Variants in RABGAP1L observed in about 807,000 individuals in gnomAD.
RABGAP1L encodes the protein rab GTPase-activating protein 1-like.
RABGAP1L carries 63 observed loss-of-function variants against 137.7 expected under a neutral mutation model. The ratio of observed to expected loss-of-function variants is 0.46; its 90% CI spans 0.37 to 0.56. The LOEUF (loss-of-function observed/expected upper bound fraction) is 0.56, where lower values mean the gene tolerates loss of function less well. RABGAP1L is among the 20% of genes least tolerant of loss of function. RABGAP1L has a pLI of 0.00. For missense variants in RABGAP1L, 1,095 were observed against 1,244.0 expected, an observed-to-expected ratio of 0.88 and a Z score of 1.80; for synonymous variants, 431 against 433.7, an observed-to-expected ratio of 0.99 and a Z score of 0.08.
At chr1:174,765,687 A>C (rs1685610028) in intron 18 of RABGAP1L, among the ~76,000 whole-genome samples, 2 of 151,772 alleles carry the variant, frequency 1.3e-5, no homozygotes, top group Non-Finnish European at 1.5e-5. Context: ...ATTGCCTCCC[A>C]TTCTGTGGAC....
chr1:174,345,094 A>G (rs984914895), intron 11 of RABGAP1L, among the ~76,000 whole-genome samples: 8 of 152,100 alleles, frequency 5.3e-5, no homozygotes, highest in Non-Finnish European at 1.0e-4. Flanking sequence ...AGAGTTCACT[A>G]TAGACATATG....
chr1:174,892,723 G>GTTTCC (rs1558198469), intron 19 of RABGAP1L: 52 of 407,968 alleles, frequency 1.3e-4, no homozygotes, highest in African/African-American at 1.0e-3. Flanking sequence ...TCATTTCTTT[G>GTTTCC]TTTTCTTTCT....
chr1:174,596,882 C>T (rs549531816), intron 13 of RABGAP1L, among the ~76,000 whole-genome samples: 1 of 152,102 alleles, frequency 6.6e-6, no homozygotes, highest in Admixed American at 6.6e-5. Context: ...AAGTATGTTT[C>T]TTCTCTATCC....
chr1:174,490,882 T>C (rs1660156870), intron 13 of RABGAP1L, among the ~76,000 whole-genome samples: 1 of 152,042 alleles, frequency 6.6e-6, no homozygotes, highest in Non-Finnish European at 1.5e-5. Context: ...CTGCCAGGCT[T>C]CCACCAATGT....
At chr1:174,325,817 A>G (rs1013253068) in intron 11 of RABGAP1L, among the ~76,000 whole-genome samples, 2 of 152,150 alleles carry the variant, frequency 1.3e-5, no homozygotes, top group Non-Finnish European at 2.9e-5. Flanking sequence ...GGCTCATGAT[A>G]CCTGCCATAG....
In RABGAP1L at chr1:174,727,605, C is replaced by T. The variant is rs556583759; in HGVS notation, c.2170-24708C>T. ...GAAAGAAAGAACAAGTTCTGGTATTCTATTGCATGGTAGGGTGACTATAGT... is the reference window on the plus strand; with the variant it reads ...GAAAGAAAGAACAAGTTCTGGTATTTTATTGCATGGTAGGGTGACTATAGT... On this transcript the variant is annotated intron_variant, in intron 17 of 25. Transcript: ENST00000681986. Among the ~76,000 whole-genome samples the T allele has an allele frequency of 2.5e-4, 38 of 152,276 alleles. No individual in the cohort carries two copies. The South Asian group carries it at 7.7e-3, about 31-fold the overall frequency.
intron 1 of RABGAP1L, among the ~76,000 whole-genome samples, chr1:174,184,044 T>C (rs1043877636): frequency 1.1e-4 from 16 of 151,846 alleles, no homozygotes; most frequent in Non-Finnish European, 2.2e-4. Flanking sequence ...TTTTTGTTTT[T>C]TTTTAGTAGA....
intron 21 of RABGAP1L, among the ~76,000 whole-genome samples, chr1:174,969,756 C>T (rs983214522): frequency 6.6e-6 from 1 of 152,078 alleles, no homozygotes; most frequent in African/African-American, 2.4e-5. Flanking sequence ...AATTATTCTC[C>T]ATAATAAATG....
intron 1 of RABGAP1L, among the ~76,000 whole-genome samples, chr1:174,206,336 T>G (rs775051481): frequency 3.3e-5 from 5 of 152,186 alleles, no homozygotes; most frequent in Admixed American, 2.0e-4. Context: ...ATTGGTTTGG[T>G]TCTTGCTTGG....
intron 13 of RABGAP1L, among the ~76,000 whole-genome samples, chr1:174,394,817 G>T (rs1276452990): frequency 6.6e-6 from 1 of 151,868 alleles, no homozygotes; most frequent in Non-Finnish European, 1.5e-5. Context: ...TCAAGACTTT[G>T]TTCCTCAGAC....
At chr1:174,331,724 C>A (rs373527290) in intron 11 of RABGAP1L, among the ~76,000 whole-genome samples, 2 of 152,008 alleles carry the variant, frequency 1.3e-5, no homozygotes, top group African/African-American at 4.8e-5. Context: ...ACGTGCACAA[C>A]GTGCAGGTTT....
intron 19 of RABGAP1L, among the ~76,000 whole-genome samples, chr1:174,819,968 A>C (rs747992815): frequency 1.3e-5 from 2 of 152,156 alleles, no homozygotes; most frequent in African/African-American, 2.4e-5. Context: ...GAAATTGAGG[A>C]TATTTCATTT....
intron 13 of RABGAP1L, among the ~76,000 whole-genome samples, chr1:174,608,054 G>A (rs1189259854): frequency 6.6e-6 from 1 of 152,148 alleles, no homozygotes; most frequent in Non-Finnish European, 1.5e-5. Context: ...CCTTACAATG[G>A]ATTTTATAAA....
intron 13 of RABGAP1L, among the ~76,000 whole-genome samples, chr1:174,613,823 G>T (rs1187087322): frequency 1.3e-5 from 2 of 152,130 alleles, no homozygotes; most frequent in African/African-American, 4.8e-5. Context: ...GGCCTTCTTT[G>T]TCTCTTTTGA....
chr1:174,377,918 A>C (rs1377647408), intron 12 of RABGAP1L, among the ~76,000 whole-genome samples: 1 of 94,730 alleles, frequency 1.1e-5, no homozygotes, highest in Non-Finnish European at 1.9e-5. Context: ...TATATCTCCC[A>C]ATGCTATCCC....
At chr1:174,785,745 T>G (rs1687404279) in intron 18 of RABGAP1L, among the ~76,000 whole-genome samples, 1 of 152,192 alleles carries the variant, frequency 6.6e-6, no homozygotes, top group Non-Finnish European at 1.5e-5. Flanking sequence ...CCACGCTGCT[T>G]CTCCACCGTT....
intron 10 of RABGAP1L, among the ~76,000 whole-genome samples, chr1:174,282,535 A>C (rs182588060): frequency 4.3e-4 from 66 of 152,282 alleles, no homozygotes; most frequent in African/African-American, 1.5e-3. Flanking sequence ...TGTCAGATAC[A>C]CATATTTCAA....
chr1:174,302,635 C>T (rs1677828705), intron 10 of RABGAP1L, among the ~76,000 whole-genome samples: 2 of 152,158 alleles, frequency 1.3e-5, no homozygotes, highest in Non-Finnish European at 2.9e-5. Context: ...GGCTTCAGGT[C>T]AGGACAGGAG....
intron 17 of RABGAP1L, among the ~76,000 whole-genome samples, chr1:174,714,272 A>C (rs1394110161): frequency 1.3e-5 from 2 of 152,098 alleles, no homozygotes; most frequent in African/African-American, 4.8e-5. Context: ...CTGATCACCC[A>C]TTCTTAAATG....
Sources: gnomAD v4.1 joint callset for allele counts (sites outside exome capture counted in the v4.1 genomes callset) on GRCh38, gnomAD v4.1.1 for gene constraint, MANE v1.5 for transcripts, NCBI Gene and HGNC (gene_info 2026-07-23, HGNC 2026-07-21) for gene names.